SNAP91: variants seen among roughly 807,000 people sequenced by gnomAD.
SNAP91 encodes the protein clathrin coat assembly protein AP180.
SNAP91 carries 27 observed loss-of-function variants against 100.3 expected under a neutral mutation model. That is an observed-to-expected ratio of 0.27 (90% CI 0.20 to 0.37). The LOEUF (loss-of-function observed/expected upper bound fraction) is 0.37. Among genes scored for constraint, SNAP91 ranks in the 10% least tolerant of loss-of-function variants. The probability of loss-of-function intolerance (pLI) is 1.00; values close to 1 mark genes in which losing one functional copy is unlikely to be tolerated. For missense variants in SNAP91, 986 were observed against 1,123.7 expected (o/e 0.88, Z 1.75); for synonymous variants, 404 against 398.6 (o/e 1.01, Z -0.16).
intron 2 of SNAP91, among the ~76,000 whole-genome samples, chr6:83,692,825 T>C (rs1236098944): frequency 1.3e-5 from 2 of 152,222 alleles, no homozygotes; most frequent in African/African-American, 4.8e-5. Flanking sequence ...CTTCCACTTT[T>C]TTCCCTACTA....
At position 83,633,394 on chromosome 6, in the gene SNAP91, T is replaced by C. The variant is rs2097290366; in HGVS notation, c.765+7702A>G. ...GGCACTTTCTAGACAGTGTCAGCTGTGGTAGTATGGGGAGGAAGAGGTGGG... is the reference window on the plus strand; with the variant it reads ...GGCACTTTCTAGACAGTGTCAGCTGCGGTAGTATGGGGAGGAAGAGGTGGG... On this transcript the variant is annotated intron_variant, in intron 8 of 29. Coordinates refer to ENST00000369694, the MANE Select transcript of SNAP91 (RefSeq NM_001242792.2). Among the ~76,000 whole-genome samples, 4 of 152,034 alleles carry C rather than the reference T, an allele frequency of 2.6e-5. No homozygotes were observed. In the South Asian group the frequency reaches 8.3e-4, roughly 32 times the overall value.
rs1773509955 is a variant in SNAP91, at chr6:83,553,178, AT to A, written c.*1117del. 3.9e-5 allele frequency: 6 copies of A among 152,628 alleles called. No individual in the cohort carries two copies. The allele number at this position is 152,628 out of a possible 1,614,324, so 9.5% of individuals were successfully genotyped here. A position where few individuals can be genotyped will look rare whatever the true frequency, so the allele number is the denominator to read the frequency against. ...ACAGTGACCTCATTTATGCATCAAAATCTTAAGCCAAGCCATCAGCACAGAC... is the reference window on the plus strand; with the variant it reads ...ACAGTGACCTCATTTATGCATCAAAACTTAAGCCAAGCCATCAGCACAGAC... On this transcript the variant is annotated 3_prime_UTR_variant, in exon 30 of 30. Coordinates refer to ENST00000369694, the MANE Select transcript of SNAP91 (RefSeq NM_001242792.2).
chr6:83,695,909 C>A (rs1279843428), intron 2 of SNAP91, among the ~76,000 whole-genome samples: 1 of 143,892 alleles, frequency 6.9e-6, no homozygotes, highest in African/African-American at 2.6e-5. Context: ...TAAGCAACTC[C>A]TTTGGAACAA....
intron 2 of SNAP91, among the ~76,000 whole-genome samples, chr6:83,681,296 T>G (rs993383636): frequency 3.0e-4 from 45 of 152,286 alleles, no homozygotes; most frequent in Non-Finnish European, 4.4e-4. Context: ...GGTCCCCAGA[T>G]AGCATTGGCC....
chr6:83,701,694 C>T (rs769851285), intron 2 of SNAP91, among the ~76,000 whole-genome samples: 4 of 152,118 alleles, frequency 2.6e-5, no homozygotes, highest in Non-Finnish European at 5.9e-5. Flanking sequence ...GTGATCTGAC[C>T]GCCTTGGACT....
chr6:83,562,611 G>A (rs531316584), intron 26 of SNAP91, among the ~76,000 whole-genome samples: 1 of 152,168 alleles, frequency 6.6e-6, no homozygotes, highest in African/African-American at 2.4e-5. Context: ...CCTTCCCTAT[G>A]GGATAGCTAG....
At chr6:83,677,642 A>G (rs1485184924) in intron 2 of SNAP91, among the ~76,000 whole-genome samples, 1 of 152,208 alleles carries the variant, frequency 6.6e-6, no homozygotes, top group African/African-American at 2.4e-5. Flanking sequence ...GGCATTAACA[A>G]TGTGACCTTA....
intron 2 of SNAP91, among the ~76,000 whole-genome samples, chr6:83,696,653 C>T (rs1453546803): frequency 6.6e-6 from 1 of 152,210 alleles, no homozygotes; most frequent in African/African-American, 2.4e-5. Flanking sequence ...TCACACCTCA[C>T]CTACTTTAAG....
intron 2 of SNAP91, among the ~76,000 whole-genome samples, chr6:83,703,678 G>A (rs1330648855): frequency 1.3e-5 from 2 of 152,018 alleles, no homozygotes; most frequent in African/African-American, 4.8e-5. Context: ...TGGGAGGAAC[G>A]GAATCATTAG....
intron 16 of SNAP91, among the ~76,000 whole-genome samples, chr6:83,598,891 A>T (rs1028405489): frequency 2.6e-5 from 4 of 152,206 alleles, no homozygotes; most frequent in African/African-American, 7.2e-5. Context: ...TGGAAATTGT[A>T]TAGCTATCAG....
chr6:83,587,422 C>T (rs1393092206), intron 22 of SNAP91, among the ~76,000 whole-genome samples: 1 of 152,106 alleles, frequency 6.6e-6, no homozygotes, highest in Non-Finnish European at 1.5e-5. Flanking sequence ...TCTAGAGAAT[C>T]TTTTTCTCTC....
intron 7 of SNAP91, among the ~76,000 whole-genome samples, chr6:83,651,679 T>C (rs1198630405): frequency 6.6e-6 from 1 of 152,196 alleles, no homozygotes; most frequent in Non-Finnish European, 1.5e-5. Context: ...TACTGGTGAA[T>C]GTTCTATGCA....
intron 2 of SNAP91, among the ~76,000 whole-genome samples, chr6:83,706,609 C>T (rs947281299): frequency 6.6e-5 from 10 of 152,200 alleles, no homozygotes; most frequent in Admixed American, 2.0e-4. Flanking sequence ...CATCAAGCTT[C>T]GCTTATGCAG....
At chr6:83,670,016 G>A (rs970631981) in intron 2 of SNAP91, among the ~76,000 whole-genome samples, 11 of 152,014 alleles carry the variant, frequency 7.2e-5, no homozygotes, top group African/African-American at 2.6e-4. Flanking sequence ...TTTTCTAGAA[G>A]TAGAATAGTT....
intron 2 of SNAP91, among the ~76,000 whole-genome samples, chr6:83,700,239 A>G (rs888301049): frequency 2.6e-5 from 4 of 152,170 alleles, no homozygotes; most frequent in Non-Finnish European, 5.9e-5. Context: ...AAAAGAACAG[A>G]AATAGTATAT....
At chr6:83,572,658 A>G (rs961541358) in intron 26 of SNAP91, among the ~76,000 whole-genome samples, 1 of 152,174 alleles carries the variant, frequency 6.6e-6, no homozygotes, top group African/African-American at 2.4e-5. Context: ...TGCTACTACC[A>G]GTGATTGTTC....
At chr6:83,568,510 AC>A (rs1800935188) in intron 26 of SNAP91, among the ~76,000 whole-genome samples, 1 of 149,766 alleles carries the variant, frequency 6.7e-6, no homozygotes, top group Non-Finnish European at 1.5e-5. Context: ...AATAATAATA[AC>A]TTAATAGGTC....
At chr6:83,702,499 A>C (rs2099327036) in intron 2 of SNAP91, among the ~76,000 whole-genome samples, 1 of 152,194 alleles carries the variant, frequency 6.6e-6, no homozygotes, top group Admixed American at 6.5e-5. Flanking sequence ...ATTACAACTA[A>C]TGTGGCAATA....
chr6:83,570,707 A>G lies in SNAP91; in HGVS notation c.2442+4303T>C, dbSNP rs115834924. On this transcript the variant is annotated intron_variant, in intron 26 of 29. Coordinates refer to ENST00000369694, the MANE Select transcript of SNAP91 (RefSeq NM_001242792.2). ...GTTGCTTCAGAGGGTGGTAGTCCCA[A>G]ACCTTGGCAGCTTACATGTGGTGTT... Among the ~76,000 whole-genome samples, 473 of 152,302 alleles carry G rather than the reference A, an allele frequency of 3.1e-3. 3 individuals are homozygous for G. The highest frequency in any genetic ancestry group is 0.011 in the African/African-American group (438 of 41,568).
Sources: gnomAD v4.1 joint callset for allele counts (sites outside exome capture counted in the v4.1 genomes callset) on GRCh38, gnomAD v4.1.1 for gene constraint, MANE v1.5 for transcripts, NCBI Gene and HGNC (gene_info 2026-07-23, HGNC 2026-07-21) for gene names.